The following CALY variants were observed in gnomAD, a reference collection of about 807,000 sequenced individuals.
CALY encodes calcyon neuron specific vesicular protein.
A neutral mutation model predicts 20.2 loss-of-function variants in CALY; 15 were observed. The observed-to-expected ratio is 0.74, with a 90% CI of 0.50 to 1.14. CALY has a LOEUF of 1.14. CALY is among the 50% of genes most tolerant of loss of function. The pLI is 0.00. For missense variants in CALY, 270 were observed against 304.4 expected, an observed-to-expected ratio of 0.89 and a Z score of 0.84; for synonymous variants, 129 against 131.8, an observed-to-expected ratio of 0.98 and a Z score of 0.15.
Position 133,336,874 on chromosome 10 carries a change from A to T in CALY, c.-61T>A, listed in dbSNP as rs1848456455. On this transcript the variant is annotated 5_prime_UTR_variant, in exon 1 of 6. Coordinates refer to ENST00000252939, the MANE Select transcript of CALY (RefSeq NM_015722.4). ...CAGCTGCTGCAGGACGCGGTCGGGG[A>T]GGACGACGATGCGGATGTGGATGCG... 6.6e-6 allele frequency: 1 copy of T among 152,340 alleles called. No homozygotes were observed. The highest frequency in any genetic ancestry group is 1.5e-5 in the Non-Finnish European group (1 of 68,098). 9.4% of individuals were successfully genotyped at this position (152,340 alleles called of 1,614,324 possible).
intron 1 of CALY, 131 bp from the exon 2 acceptor site, chr10:133,329,140 T>C (rs1407718319): frequency 1.3e-6 from 1 of 764,542 alleles, no homozygotes; most frequent in Admixed American, 2.9e-5. Flanking sequence ...AGGCTGTAAG[T>C]GGTCAGGCCA....
rs190687724 is a variant in CALY, at chr10:133,334,549, G to A, written c.-21+2285C>T. Among the ~76,000 whole-genome samples the A allele has an allele frequency of 5.1e-4, 58 of 114,576 alleles. 1 individual carries two copies. Among genetic ancestry groups the A allele is most frequent in the African/African-American group, 1.9e-3 (54 of 28,624 alleles). The allele number at this position is 114,576 out of a possible 152,430, so 75.2% of individuals were successfully genotyped here. On this transcript the variant is annotated intron_variant, in intron 1 of 5. Transcript: ENST00000252939. ...GCGGGGAAGGCTCTGAGGGGGGAAG[G>A]CTCTGAGGGGGAGGCTCTGAGGGGG...
intron 5 of CALY, 87 bp from the exon 6 acceptor site, chr10:133,325,653 G>C (rs1043019072): frequency 1.1e-5 from 4 of 378,418 alleles, no homozygotes; most frequent in Admixed American, 5.0e-5. Flanking sequence ...GCTCGGATTC[G>C]CAACCCCCAA....
At chr10:133,333,254 G>A (rs1848341088) in intron 1 of CALY, among the ~76,000 whole-genome samples, 1 of 132,916 alleles carries the variant, frequency 7.5e-6, no homozygotes, top group South Asian at 2.6e-4. Context: ...TGGAATGATT[G>A]CAAGGTGGAA....
In CALY at chr10:133,328,114, G is replaced by T. The variant is rs1389509655; in HGVS notation, c.136-99C>A. 6 of 758,520 alleles carry T rather than the reference G, an allele frequency of 7.9e-6. No homozygotes were observed. The East Asian group carries it at 1.6e-4, about 20-fold the overall frequency. 47.0% of individuals were successfully genotyped at this position (758,520 alleles called of 1,614,324 possible). A position where few individuals can be genotyped will look rare whatever the true frequency, so the allele number is the denominator to read the frequency against. On this transcript the variant is annotated intron_variant, in intron 2 of 5. Coordinates refer to ENST00000252939, the MANE Select transcript of CALY (RefSeq NM_015722.4). ...GGGAGCCAGCGTCAGCTTCGTGGCA[G>T]TGGTGTTGACGCTGACCCATCTCCC...
chr10:133,325,580 G>C lies in CALY; in HGVS notation c.*29-14C>G. On this transcript the variant is annotated splice_polypyrimidine_tract_variant and intron_variant, in intron 5 of 5. Coordinates refer to ENST00000252939, the MANE Select transcript of CALY (RefSeq NM_015722.4). Reference sequence around the variant, plus strand: ...TGGCGGAGGACGCTGCGGAGACAGAGCCCGAGGGTTGAGAGCGGCGACGCG... The same window carrying C: ...TGGCGGAGGACGCTGCGGAGACAGACCCCGAGGGTTGAGAGCGGCGACGCG... The C allele has an allele frequency of 3.5e-6, 1 of 285,370 alleles. No homozygotes were observed. Among genetic ancestry groups the C allele is most frequent in the Non-Finnish European group, 6.5e-6 (1 of 154,332 alleles). The allele number at this position is 285,370 out of a possible 1,614,324, so 17.7% of individuals were successfully genotyped here.
At chr10:133,334,895 G>A (rs1363848676) in intron 1 of CALY, among the ~76,000 whole-genome samples, 1 of 152,128 alleles carries the variant, frequency 6.6e-6, no homozygotes, top group East Asian at 1.9e-4. Context: ...GGAAGAGGCC[G>A]TGCGGTGTCC....
At chr10:133,329,955 A>G (rs1197338849) in intron 1 of CALY, among the ~76,000 whole-genome samples, 3 of 152,156 alleles carry the variant, frequency 2.0e-5, no homozygotes, top group Non-Finnish European at 2.9e-5. Flanking sequence ...GCCTGGCGCT[A>G]AAGGCCGCGG....
Position 133,324,437 on chromosome 10 carries a change from G to A in CALY, c.*1158C>T. The stretch of plus-strand genomic sequence containing the variant: ...CAGCAAGCCTGGGAGCCAATGGTGG[G>A]GGGCTTCCATCCACCAATGGTCGGG... On this transcript the variant is annotated 3_prime_UTR_variant, in exon 6 of 6. Coordinates refer to ENST00000252939, the MANE Select transcript of CALY (RefSeq NM_015722.4). 2.2e-6 allele frequency: 1 copy of A among 454,232 alleles called. No individual in the cohort carries two copies. The allele number at this position is 454,232 out of a possible 1,614,324, so 28.1% of individuals were successfully genotyped here.
intron 1 of CALY, among the ~76,000 whole-genome samples, chr10:133,334,640 G>C (rs1442709768): frequency 1.3e-5 from 2 of 151,638 alleles, no homozygotes; most frequent in African/African-American, 4.9e-5. Flanking sequence ...GGGGAGGAAG[G>C]ATTTGGAGGT....
At position 133,325,807 on chromosome 10, in the gene CALY, G is replaced by T; in HGVS notation, c.*20C>A. The T allele has an allele frequency of 8.4e-7, 1 of 1,187,582 alleles. No homozygotes were observed. The highest frequency in any genetic ancestry group is 3.5e-5 in the East Asian group (1 of 28,624). The allele number at this position is 1,187,582 out of a possible 1,614,324, so 73.6% of individuals were successfully genotyped here. ...CCGCGGCGCGCACCTACCCCGGGCC[G>T]GGCTGCGGGGCTGGAGACGTCACTG... On this transcript the variant is annotated 3_prime_UTR_variant, in exon 5 of 6. Coordinates refer to ENST00000252939, the MANE Select transcript of CALY (RefSeq NM_015722.4).
At chr10:133,333,114 G>C (rs1202976556) in intron 1 of CALY, among the ~76,000 whole-genome samples, 1 of 151,784 alleles carries the variant, frequency 6.6e-6, no homozygotes, top group African/African-American at 2.4e-5. Context: ...TCCAGGTGTG[G>C]GTAGGCACCA....
At position 133,324,512 on chromosome 10, in the gene CALY, GC is replaced by G. The variant is rs1480653070; in HGVS notation, c.*1082del. On this transcript the variant is annotated 3_prime_UTR_variant, in exon 6 of 6. Transcript: ENST00000252939. ...GCCGCTGCTGGCTGGGGTGGGCGGG[GC>G]TGCAGTGCTGCAATTGGCTGGGGTG... 4.9e-6 allele frequency: 2 copies of G among 408,662 alleles called. No homozygotes were observed. Among genetic ancestry groups the G allele is most frequent in the Non-Finnish European group, 9.9e-6 (2 of 202,030 alleles). The allele number at this position is 408,662 out of a possible 1,614,324, so 25.3% of individuals were successfully genotyped here. A position where few individuals can be genotyped will look rare whatever the true frequency, so the allele number is the denominator to read the frequency against.
chr10:133,326,993 T>C lies in CALY; in HGVS notation c.247-2A>G. The C allele has an allele frequency of 6.2e-7, 1 of 1,601,494 alleles. No homozygotes were observed. The highest frequency in any genetic ancestry group is 1.1e-5 in the South Asian group (1 of 88,824). On this transcript the variant is annotated splice_acceptor_variant, in intron 3 of 5. Transcript: ENST00000252939. LOFTEE classifies it high-confidence loss of function. ...GGCGATCATCCGTGCGGTGGGCAGCTGGCAGGAGGGCAGAGAGGGGCTCAG... is the reference window on the plus strand; with the variant it reads ...GGCGATCATCCGTGCGGTGGGCAGCCGGCAGGAGGGCAGAGAGGGGCTCAG...
intron 1 of CALY, 141 bp from the exon 2 acceptor site, chr10:133,329,150 AG>A (rs1848261339): frequency 1.4e-6 from 1 of 704,206 alleles, no homozygotes; most frequent in Non-Finnish European, 2.3e-6. Flanking sequence ...TGGTCAGGCC[AG>A]CCTCCTTGGA....
intron 3 of CALY, 71 bp from the exon 4 acceptor site, chr10:133,327,062 C>A: frequency 9.5e-7 from 1 of 1,051,220 alleles, no homozygotes. Flanking sequence ...TCCTCAGGGG[C>A]TGGGCTGGCA....
Position 133,335,094 on chromosome 10 carries a change from AGCGGAGGGCCGAGAG to A in CALY, c.-21+1725_-21+1739del, listed in dbSNP as rs537120411. Among the ~76,000 whole-genome samples, 557 of 152,202 alleles carry A rather than the reference AGCGGAGGGCCGAGAG, an allele frequency of 3.7e-3. 2 individuals are homozygous for A. Among genetic ancestry groups the A allele is most frequent in the African/African-American group, 0.013 (535 of 41,518 alleles). ...CGATCGGTGGAAGCAGAGTCGGAGC[AGCGGAGGGCCGAGAG>A]GCCGGGGAATGACGTGGTTGTGGGG... On this transcript the variant is annotated intron_variant, in intron 1 of 5. Coordinates refer to ENST00000252939, the MANE Select transcript of CALY (RefSeq NM_015722.4).
At chr10:133,335,917 T>C (rs1327060479) in intron 1 of CALY, among the ~76,000 whole-genome samples, 3 of 151,828 alleles carry the variant, frequency 2.0e-5, no homozygotes, top group African/African-American at 7.3e-5. Context: ...GACAGATGGA[T>C]GGCGGGGGCG....
Position 133,326,023 on chromosome 10 carries a change from A to G in CALY, c.458T>C (p.Leu153Pro). The G allele has an allele frequency of 6.3e-7, 1 of 1,587,118 alleles. No individual in the cohort carries two copies. The highest frequency in any genetic ancestry group is 1.1e-5 in the South Asian group (1 of 87,678). ...SILAAIGAYP[L>P]SRKHGTETPA... The stretch of plus-strand genomic sequence containing the variant: ...CGTCTCCGTGCCGTGCTTGCGGCTC[A>G]GCGGGTAGGCCCCGATGGCCGCCAG... The change falls in exon 5 of 6, where the codon CTG becomes CCG. Residue 153 changes from leucine (L) to proline (P), a missense_variant. Transcript: ENST00000252939.
Sources: gnomAD v4.1 joint callset for allele counts (sites outside exome capture counted in the v4.1 genomes callset) on GRCh38, gnomAD v4.1.1 for gene constraint, MANE v1.5 for transcripts, NCBI Gene and HGNC (gene_info 2026-07-23, HGNC 2026-07-21) for gene names.